The following FRMD6 variants were observed in gnomAD, a reference collection of about 807,000 sequenced individuals.
FRMD6 encodes FERM domain containing 6.
A neutral mutation model predicts 73.2 loss-of-function variants in FRMD6; 37 were observed. That is an observed-to-expected ratio of 0.51 (90% confidence interval 0.39 to 0.66). FRMD6 has a LOEUF of 0.66. Ranked by LOEUF, FRMD6 falls within the 30% of genes least tolerant of loss-of-function variation. FRMD6 has a pLI of 0.00. For synonymous variants in FRMD6, 273 were observed against 282.2 expected (o/e 0.97, Z 0.33); for missense variants, 714 against 780.5 (o/e 0.91, Z 1.02).
At chr14:51,696,023 TG>T (rs2140408712) in intron 2 of FRMD6, among the ~76,000 whole-genome samples, 1 of 151,980 alleles carries the variant, frequency 6.6e-6, no homozygotes, top group African/African-American at 2.4e-5. Context: ...TCATTATCAT[TG>T]AAAAAAAGGA....
At chr14:51,536,699 G>T (rs770556221) in intron 1 of FRMD6, among the ~76,000 whole-genome samples, 33 of 152,180 alleles carry the variant, frequency 2.2e-4, no homozygotes, top group Non-Finnish European at 3.8e-4. Context: ...TTACAGGCGT[G>T]AGCCACCGCA....
chr14:51,564,519 C>G (rs1340967686), intron 1 of FRMD6, among the ~76,000 whole-genome samples: 1 of 152,208 alleles, frequency 6.6e-6, no homozygotes, highest in African/African-American at 2.4e-5. Context: ...TTTGAGCAGG[C>G]AGCTCCGGGG....
intron 1 of FRMD6, among the ~76,000 whole-genome samples, chr14:51,545,035 G>T (rs185392529): frequency 6.6e-6 from 1 of 152,192 alleles, no homozygotes; most frequent in East Asian, 1.9e-4. Flanking sequence ...CATGAATTAG[G>T]AAGGGTTTGG....
intron 2 of FRMD6, among the ~76,000 whole-genome samples, chr14:51,621,328 C>T (rs976441136): frequency 6.6e-6 from 1 of 152,124 alleles, no homozygotes; most frequent in Non-Finnish European, 1.5e-5. Context: ...ACCAGCTTCT[C>T]GTGGGGATGG....
the FRMD6 span, among the ~76,000 whole-genome samples, chr14:51,459,884 CTTTT>C: frequency 2.8e-4 from 21 of 74,654 alleles, no homozygotes; most frequent in East Asian, 1.3e-3. Flanking sequence ...TACTGACTCT[CTTTT>C]TTTTTTTTTT....
chr14:51,657,139 T>C (rs770356754), intron 1 of FRMD6, among the ~76,000 whole-genome samples: 9 of 152,252 alleles, frequency 5.9e-5, no homozygotes, highest in Non-Finnish European at 1.3e-4. Context: ...TTTTTCTCTC[T>C]GATTGGGTTA....
intron 1 of FRMD6, among the ~76,000 whole-genome samples, chr14:51,531,715 G>A (rs1885594606): frequency 1.3e-5 from 2 of 152,318 alleles, no homozygotes; most frequent in South Asian, 2.1e-4. Context: ...ATTTTCTCAT[G>A]TTATTGTGGA....
chr14:51,655,868 A>G (rs933091447), intron 1 of FRMD6, among the ~76,000 whole-genome samples: 5 of 152,188 alleles, frequency 3.3e-5, no homozygotes, highest in Non-Finnish European at 7.4e-5. Flanking sequence ...GGTGTTAAAT[A>G]ATGTGCAGGG....
the FRMD6 span, among the ~76,000 whole-genome samples, chr14:51,464,710 TC>T: frequency 6.6e-6 from 1 of 152,070 alleles, no homozygotes; most frequent in Non-Finnish European, 1.5e-5. Flanking sequence ...TTCTGGGACT[TC>T]CAGACAGAAC....
intron 1 of FRMD6, among the ~76,000 whole-genome samples, chr14:51,510,281 G>A (rs868860024): frequency 6.6e-6 from 1 of 152,154 alleles, no homozygotes; most frequent in Non-Finnish European, 1.5e-5. Context: ...ACTTGAGCAA[G>A]GTTACACAAG....
chr14:51,522,923 C>T (rs888530473), intron 1 of FRMD6: 1 of 152,100 alleles, frequency 6.6e-6, no homozygotes, highest in African/African-American at 2.4e-5. Flanking sequence ...TAGCATGGCA[C>T]CTGTGTAAAG....
intron 1 of FRMD6, among the ~76,000 whole-genome samples, chr14:51,654,133 A>G (rs1254964325): frequency 1.3e-5 from 2 of 152,122 alleles, no homozygotes; most frequent in Admixed American, 6.5e-5. Context: ...TTTTAAGTAC[A>G]TAATTTGAAC....
intron 1 of FRMD6, among the ~76,000 whole-genome samples, chr14:51,681,844 T>C (rs544446078): frequency 6.6e-6 from 1 of 152,350 alleles, no homozygotes; most frequent in Admixed American, 6.5e-5. Context: ...TTGCTATGAT[T>C]ACACTGTTTA....
chr14:51,518,683 AT>A (rs1187339569), intron 1 of FRMD6, among the ~76,000 whole-genome samples: 2 of 152,148 alleles, frequency 1.3e-5, no homozygotes, highest in East Asian at 3.8e-4. Context: ...GGTCCAGTGC[AT>A]TTTCTCTCAT....
At chr14:51,464,227 C>T in the FRMD6 span, among the ~76,000 whole-genome samples, 1 of 152,104 alleles carries the variant, frequency 6.6e-6, no homozygotes, top group African/African-American at 2.4e-5. Context: ...AAAGAAACAG[C>T]AGAGGAGGTG....
the FRMD6 span, among the ~76,000 whole-genome samples, chr14:51,439,554 G>T: frequency 1.3e-5 from 2 of 152,092 alleles, no homozygotes; most frequent in Non-Finnish European, 2.9e-5. Context: ...GAGTAATACT[G>T]CATCAGACTA....
chr14:51,612,051 TA>T (rs1437709320), intron 2 of FRMD6, among the ~76,000 whole-genome samples: 4 of 152,222 alleles, frequency 2.6e-5, no homozygotes, highest in Non-Finnish European at 5.9e-5. Flanking sequence ...TTCTTCTATT[TA>T]TTTTTATAGT....
chr14:51,721,386 C>T (rs895672187), intron 11 of FRMD6, among the ~76,000 whole-genome samples: 2 of 152,146 alleles, frequency 1.3e-5, no homozygotes, highest in Non-Finnish European at 2.9e-5. Context: ...CCAAGGCAGG[C>T]GGATCACGAG....
the FRMD6 span, among the ~76,000 whole-genome samples, chr14:51,445,600 A>G: frequency 6.6e-6 from 1 of 152,130 alleles, no homozygotes; most frequent in African/African-American, 2.4e-5. Flanking sequence ...GGATTAGGAG[A>G]CATGCTTAAA....
Sources: allele counts gnomAD v4.1 joint callset (sites outside exome capture counted in the v4.1 genomes callset), GRCh38; gene constraint gnomAD v4.1.1; transcripts MANE v1.5; gene names NCBI Gene and HGNC (gene_info 2026-07-23, HGNC 2026-07-21).